The following SH3BGRL2 variants were observed in gnomAD, a reference collection of about 807,000 sequenced individuals.
SH3BGRL2 encodes the protein SH3 domain binding glutamate rich protein like 2.
Under a neutral mutation model 14.8 loss-of-function variants are expected in SH3BGRL2, and 21 were observed. The observed-to-expected ratio is 1.42, with a 90% CI of 1.01 to 2.05. The LOEUF (loss-of-function observed/expected upper bound fraction) is 2.05, where lower values mean the gene tolerates loss of function less well. SH3BGRL2 is among the 30% of genes most tolerant of loss of function. The probability of loss-of-function intolerance (pLI) is 0.00; values close to 1 mark genes in which losing one functional copy is unlikely to be tolerated. For synonymous variants in SH3BGRL2, 50 were observed against 47.8 expected (o/e 1.05, Z -0.19); for missense variants, 147 against 130.8 (o/e 1.12, Z -0.61).
the SH3BGRL2 span, among the ~76,000 whole-genome samples, chr6:79,604,964 A>G: frequency 6.6e-6 from 1 of 152,322 alleles, no homozygotes; most frequent in South Asian, 2.1e-4. Flanking sequence ...TGGCTGCATC[A>G]GTATCTCCAA....
At chr6:79,589,711 G>A in the SH3BGRL2 span, among the ~76,000 whole-genome samples, 3 of 152,088 alleles carry the variant, frequency 2.0e-5, no homozygotes, top group East Asian at 5.8e-4. Context: ...CATAATTATA[G>A]TACAAAAGAG....
intron 1 of SH3BGRL2, among the ~76,000 whole-genome samples, chr6:79,634,385 C>T (rs1768883592): frequency 6.6e-6 from 1 of 152,110 alleles, no homozygotes; most frequent in South Asian, 2.1e-4. Context: ...TACTCATTCA[C>T]ATTGTATTGT....
chr6:79,561,713 C>T, the SH3BGRL2 span: 1 of 152,240 alleles, frequency 6.6e-6, no homozygotes, highest in Admixed American at 6.5e-5. Flanking sequence ...GCCCTTTGCA[C>T]ACCTCTGCTG....
upstream of SH3BGRL2, chr6:79,631,178 G>A (rs3812155): frequency 0.084 from 29,483 of 351,984 alleles, 1,506 homozygotes; most frequent in Non-Finnish European, 0.1. Flanking sequence ...GTCAGGAGGG[G>A]AGCTCAGTCC....
In SH3BGRL2 at chr6:79,675,664, T is replaced by A. The variant is rs1200460323; in HGVS notation, c.231+1865T>A. Among the ~76,000 whole-genome samples, 3 of 152,206 alleles carry A rather than the reference T, an allele frequency of 2.0e-5. No individual in the cohort carries two copies. In the East Asian group the frequency reaches 5.8e-4, roughly 29 times the overall value. On this transcript the variant is annotated intron_variant, in intron 2 of 3. Coordinates refer to ENST00000369838, the MANE Select transcript of SH3BGRL2 (RefSeq NM_031469.4). Reference sequence around the variant, plus strand: ...CTAATGTCCACCTATTCGATTTTTGTTCTTTCTGAAAAAGAACAAAATCCT... The same window carrying A: ...CTAATGTCCACCTATTCGATTTTTGATCTTTCTGAAAAAGAACAAAATCCT...
intron 2 of SH3BGRL2, among the ~76,000 whole-genome samples, chr6:79,687,834 G>C (rs534258563): frequency 6.6e-6 from 1 of 152,084 alleles, no homozygotes; most frequent in African/African-American, 2.4e-5. Flanking sequence ...CCTTGTTTTT[G>C]TTCCCTCCAG....
the SH3BGRL2 span, among the ~76,000 whole-genome samples, chr6:79,557,206 A>C: frequency 6.6e-6 from 1 of 151,724 alleles, no homozygotes; most frequent in Admixed American, 6.6e-5. Flanking sequence ...AAAAATAAAA[A>C]TTTTTTACTT....
the SH3BGRL2 span, among the ~76,000 whole-genome samples, chr6:79,588,349 A>G: frequency 9.2e-5 from 14 of 151,864 alleles, no homozygotes; most frequent in African/African-American, 3.4e-4. Flanking sequence ...ACTAGGAAAT[A>G]TAGGGGGAAA....
At position 79,699,690 on chromosome 6, in the gene SH3BGRL2, C is replaced by A. The variant is rs1042084207; in HGVS notation, c.*181C>A. On this transcript the variant is annotated 3_prime_UTR_variant, in exon 4 of 4. Transcript: ENST00000369838. ...ATGAGAATTGCATGATTGCTTTAAA[C>A]CAAATCAGGTGGTGGATTTTTTTTT... The A allele has an allele frequency of 3.3e-5, 27 of 827,554 alleles. No homozygotes were observed. The Admixed American group carries it at 5.4e-4, about 17-fold the overall frequency. The allele number at this position is 827,554 out of a possible 1,614,324, so 51.3% of individuals were successfully genotyped here.
At chr6:79,542,797 A>T in the SH3BGRL2 span, among the ~76,000 whole-genome samples, 1 of 152,210 alleles carries the variant, frequency 6.6e-6, no homozygotes, top group Non-Finnish European at 1.5e-5. Context: ...AGTAGACTGA[A>T]TGAATGTGCT....
chr6:79,639,058 A>G (rs1180293261), intron 1 of SH3BGRL2, among the ~76,000 whole-genome samples: 3 of 152,332 alleles, frequency 2.0e-5, no homozygotes, highest in East Asian at 1.9e-4. Flanking sequence ...AGAGCTATTG[A>G]TGGTGAAAAA....
intron 1 of SH3BGRL2, among the ~76,000 whole-genome samples, chr6:79,634,389 G>C (rs1768883637): frequency 6.6e-6 from 1 of 152,110 alleles, no homozygotes; most frequent in Non-Finnish European, 1.5e-5. Flanking sequence ...CATTCACATT[G>C]TATTGTAGGG....
chr6:79,585,317 TA>T, the SH3BGRL2 span, among the ~76,000 whole-genome samples: 1 of 152,140 alleles, frequency 6.6e-6, no homozygotes, highest in Non-Finnish European at 1.5e-5. Flanking sequence ...AACTAATTTT[TA>T]AATTAAAAAA....
At chr6:79,632,922 A>G (rs755949540) in intron 1 of SH3BGRL2, among the ~76,000 whole-genome samples, 1 of 152,256 alleles carries the variant, frequency 6.6e-6, no homozygotes, top group East Asian at 1.9e-4. Context: ...GCATGCTTCA[A>G]TAATTGTCCC....
the SH3BGRL2 span, among the ~76,000 whole-genome samples, chr6:79,617,040 C>G: frequency 6.6e-6 from 1 of 151,892 alleles, no homozygotes; most frequent in Non-Finnish European, 1.5e-5. Context: ...ACAAAATTAG[C>G]CAGGTGTGGT....
At chr6:79,630,187 A>G (rs557100808), upstream of SH3BGRL2, among the ~76,000 whole-genome samples, 1 of 152,354 alleles carries the variant, frequency 6.6e-6, no homozygotes, top group South Asian at 2.1e-4. Flanking sequence ...GGCTTTAAGA[A>G]AAGCAATAGG....
At chr6:79,624,489 C>T in the SH3BGRL2 span, among the ~76,000 whole-genome samples, 1 of 151,624 alleles carries the variant, frequency 6.6e-6, no homozygotes, top group African/African-American at 2.4e-5. Flanking sequence ...ATACTTGTAA[C>T]AATATGTTCA....
At chr6:79,539,403 T>C in the SH3BGRL2 span, among the ~76,000 whole-genome samples, 1 of 152,254 alleles carries the variant, frequency 6.6e-6, no homozygotes, top group South Asian at 2.1e-4. Context: ...ACCACATTTA[T>C]ATTTCTGCCA....
chr6:79,600,487 G>A, the SH3BGRL2 span, among the ~76,000 whole-genome samples: 1 of 152,146 alleles, frequency 6.6e-6, no homozygotes, highest in Non-Finnish European at 1.5e-5. Context: ...TGTGGTGAAG[G>A]ACACTCTGCC....
Sources: allele counts gnomAD v4.1 joint callset (sites outside exome capture counted in the v4.1 genomes callset), GRCh38; gene constraint gnomAD v4.1.1; transcripts MANE v1.5; gene names NCBI Gene and HGNC (gene_info 2026-07-23, HGNC 2026-07-21).